EPG5: variants seen among roughly 807,000 people sequenced by gnomAD.
EPG5 encodes the protein ectopic P-granules 5 autophagy tethering factor.
In EPG5, 159 loss-of-function variants were observed where a neutral mutation model predicts 302.7. The ratio of observed to expected loss-of-function variants is 0.53; its 90% confidence interval spans 0.46 to 0.60. EPG5 has a LOEUF of 0.60. Ranked by LOEUF, EPG5 falls within the 20% of genes least tolerant of loss-of-function variation. EPG5 has a pLI of 0.00. For synonymous variants in EPG5, 1,158 were observed against 1,136.8 expected (o/e 1.02, Z -0.37); for missense variants, 2,896 against 3,092.4 (o/e 0.94, Z 1.51).
At chr18:45,896,798 C>A (rs1249452382) in intron 27 of EPG5, among the ~76,000 whole-genome samples, 3 of 152,206 alleles carry the variant, frequency 2.0e-5, no homozygotes, top group African/African-American at 7.2e-5. Context: ...CTGCCCACCT[C>A]AACCTCCCAA....
chr18:45,928,543 T>C (rs1260134963), intron 13 of EPG5, among the ~76,000 whole-genome samples: 1 of 152,216 alleles, frequency 6.6e-6, no homozygotes, highest in East Asian at 1.9e-4. Flanking sequence ...AAGTATAAAA[T>C]ATAAAAACTA....
chr18:45,912,785 A>G (rs2049936832), intron 21 of EPG5, among the ~76,000 whole-genome samples: 1 of 152,200 alleles, frequency 6.6e-6, no homozygotes, highest in South Asian at 2.1e-4. Flanking sequence ...GGGAATAGAA[A>G]GATATGAAAA....
In EPG5 at chr18:45,934,834, G is replaced by A. The variant is rs373389232; in HGVS notation, c.2232C>T (p.Pro744=). Reference sequence around the variant, plus strand: ...CTTGGAGCTGCTGCTTGCACTGGGCGGGCTGCAGGGAGGAGGAGAGCTGCT... The same window carrying A: ...CTTGGAGCTGCTGCTTGCACTGGGCAGGCTGCAGGGAGGAGGAGAGCTGCT... ...NLQQLSSSLQ[P]AQCKQQLQDP... is the part of the protein sequence containing the mutation. Residue 744 remains proline (P), a synonymous_variant, in exon 11 of 44, where the codon CCC becomes CCT. Transcript: ENST00000282041. 6.6e-5 allele frequency: 107 copies of A among 1,613,818 alleles called. No homozygotes were observed. The highest frequency in any genetic ancestry group is 1.6e-4 in the Middle Eastern group (1 of 6,080).
the EPG5 span, among the ~76,000 whole-genome samples, chr18:45,808,365 A>G: frequency 6.6e-6 from 1 of 152,210 alleles, no homozygotes; most frequent in Non-Finnish European, 1.5e-5. Flanking sequence ...TCCAAATACA[A>G]GAAACACAAA....
At chr18:45,949,862 T>A (rs1195480982) in intron 4 of EPG5, among the ~76,000 whole-genome samples, 1 of 152,224 alleles carries the variant, frequency 6.6e-6, no homozygotes, top group Non-Finnish European at 1.5e-5. Context: ...AGTGAATAGA[T>A]ATAAGTCAAG....
chr18:45,920,401 T>C (rs2050128210), intron 16 of EPG5, among the ~76,000 whole-genome samples: 1 of 152,236 alleles, frequency 6.6e-6, no homozygotes. Flanking sequence ...AACATCACTC[T>C]GCTCATCAGC....
chr18:45,962,078 T>C (rs1167491431), intron 1 of EPG5, among the ~76,000 whole-genome samples: 1 of 152,164 alleles, frequency 6.6e-6, no homozygotes, highest in East Asian at 1.9e-4. Flanking sequence ...TTTTTTCTCT[T>C]TTACATCCCA....
the EPG5 span, chr18:45,837,832 C>G: frequency 6.5e-7 from 1 of 1,535,746 alleles, no homozygotes; most frequent in Non-Finnish European, 8.7e-7. Context: ...TCTGCCGCGT[C>G]GAGTTCGCCG....
chr18:45,876,870 A>G (rs1599470032), intron 34 of EPG5, among the ~76,000 whole-genome samples: 1 of 151,572 alleles, frequency 6.6e-6, no homozygotes, highest in Non-Finnish European at 1.5e-5. Context: ...TGCAACCTTC[A>G]CCTCCAGGGT....
At chr18:45,828,210 C>T in the EPG5 span, among the ~76,000 whole-genome samples, 14 of 152,328 alleles carry the variant, frequency 9.2e-5, no homozygotes, top group African/African-American at 3.1e-4. Context: ...GCAGGCCCGC[C>T]AGTCGTGGTC....
chr18:45,917,470 A>C (rs1238860420), intron 17 of EPG5, among the ~76,000 whole-genome samples: 1 of 152,236 alleles, frequency 6.6e-6, no homozygotes, highest in Non-Finnish European at 1.5e-5. Flanking sequence ...GAAAAGGAAA[A>C]ATATCTTTCA....
intron 33 of EPG5, 49 bp downstream of exon 33, chr18:45,878,964 A>C (rs772933637): frequency 6.8e-7 from 1 of 1,462,934 alleles, no homozygotes; most frequent in Non-Finnish European, 9.5e-7. Flanking sequence ...AATCTCTCTT[A>C]ATGGAAAGTC....
At chr18:45,801,793 C>T in the EPG5 span, among the ~76,000 whole-genome samples, 1 of 152,108 alleles carries the variant, frequency 6.6e-6, no homozygotes, top group Admixed American at 6.5e-5. Context: ...CAGCTGAAGC[C>T]ACTTAGTCCA....
At chr18:45,956,004 G>C (rs1410378602) in intron 1 of EPG5, among the ~76,000 whole-genome samples, 1 of 152,238 alleles carries the variant, frequency 6.6e-6, no homozygotes, top group African/African-American at 2.4e-5. Context: ...AAGTGAGTAA[G>C]TGAAGAGTTT....
At chr18:45,822,878 C>A in the EPG5 span, among the ~76,000 whole-genome samples, 3 of 152,126 alleles carry the variant, frequency 2.0e-5, no homozygotes, top group Admixed American at 2.0e-4. Context: ...TCATGCCTTC[C>A]GGGACTATTT....
chr18:45,895,763 C>T (rs1275278025), intron 27 of EPG5, among the ~76,000 whole-genome samples: 7 of 152,206 alleles, frequency 4.6e-5, no homozygotes, highest in Non-Finnish European at 7.3e-5. Context: ...TAGAGGGCTA[C>T]AGTTTTATGT....
At chr18:45,885,134 C>A (rs542552284) in intron 29 of EPG5, among the ~76,000 whole-genome samples, 1 of 151,982 alleles carries the variant, frequency 6.6e-6, no homozygotes, top group Non-Finnish European at 1.5e-5. Flanking sequence ...AGGTCAGGAG[C>A]TCAAGACCAG....
chr18:45,875,691 A>C (rs1444202657), intron 35 of EPG5, among the ~76,000 whole-genome samples: 1 of 152,284 alleles, frequency 6.6e-6, no homozygotes, highest in African/African-American at 2.4e-5. Flanking sequence ...GCAATATTGG[A>C]AGAGAGAAAG....
intron 2 of EPG5, 49 bp from the exon 3 acceptor site, chr18:45,952,692 T>C (rs1177472400): frequency 1.9e-6 from 3 of 1,597,718 alleles, no homozygotes; most frequent in South Asian, 1.1e-5. Flanking sequence ...CTCTTTCCAT[T>C]TGAAGTAAGC....
Sources: allele counts gnomAD v4.1 joint callset (sites outside exome capture counted in the v4.1 genomes callset), GRCh38; gene constraint gnomAD v4.1.1; transcripts MANE v1.5; gene names NCBI Gene and HGNC (gene_info 2026-07-23, HGNC 2026-07-21).